The following UXS1 variants were observed in gnomAD, a reference collection of about 807,000 sequenced individuals.
UXS1 encodes UDP-glucuronic acid decarboxylase 1.
Under a neutral mutation model 62.6 loss-of-function variants are expected in UXS1, and 33 were observed. The ratio of observed to expected loss-of-function variants is 0.53; its 90% CI spans 0.40 to 0.70. The LOEUF (loss-of-function observed/expected upper bound fraction) is 0.70, where lower values mean the gene tolerates loss of function less well. Ranked by LOEUF, UXS1 falls within the 30% of genes least tolerant of loss-of-function variation. The probability of loss-of-function intolerance (pLI) is 0.00; values close to 1 mark genes in which losing one functional copy is unlikely to be tolerated. For synonymous variants in UXS1, 213 were observed against 206.8 expected, an observed-to-expected ratio of 1.03 and a Z score of -0.26; for missense variants, 434 against 556.3, an observed-to-expected ratio of 0.78 and a Z score of 2.21.
intron 2 of UXS1, among the ~76,000 whole-genome samples, chr2:106,165,369 G>A (rs1291130232): frequency 6.6e-6 from 1 of 152,078 alleles, no homozygotes; most frequent in Non-Finnish European, 1.5e-5. Flanking sequence ...ATGTGCAGCC[G>A]CATTACATTA....
At chr2:106,179,049 C>T (rs1684079864) in intron 1 of UXS1, among the ~76,000 whole-genome samples, 1 of 152,134 alleles carries the variant, frequency 6.6e-6, no homozygotes, top group Admixed American at 6.5e-5. Flanking sequence ...CTCTGTGCAG[C>T]AAAGCCCTGC....
At chr2:106,149,129 C>A (rs1681815510) in intron 5 of UXS1, among the ~76,000 whole-genome samples, 1 of 152,104 alleles carries the variant, frequency 6.6e-6, no homozygotes, top group Non-Finnish European at 1.5e-5. Flanking sequence ...CAACAATATA[C>A]CAGACTCACA....
intron 9 of UXS1, among the ~76,000 whole-genome samples, chr2:106,116,890 GC>G (rs1679100474): frequency 6.6e-6 from 1 of 152,172 alleles, no homozygotes; most frequent in South Asian, 2.1e-4. Flanking sequence ...GTCTGACCTT[GC>G]CCTGCTCACG....
At chr2:106,139,854 C>T (rs896967289) in intron 6 of UXS1, among the ~76,000 whole-genome samples, 1 of 152,146 alleles carries the variant, frequency 6.6e-6, no homozygotes, top group Non-Finnish European at 1.5e-5. Context: ...TGATAACTCA[C>T]GCGATTATTT....
chr2:106,168,142 C>T (rs1683326703), intron 1 of UXS1, among the ~76,000 whole-genome samples: 2 of 152,240 alleles, frequency 1.3e-5, no homozygotes, highest in South Asian at 4.1e-4. Flanking sequence ...GCCTGGGCAA[C>T]AAGAACAAAA....
At chr2:106,143,834 G>A (rs1681346841) in intron 6 of UXS1, among the ~76,000 whole-genome samples, 1 of 152,150 alleles carries the variant, frequency 6.6e-6, no homozygotes, top group African/African-American at 2.4e-5. Flanking sequence ...CTTGCACACT[G>A]CAAACCTCTC....
intron 10 of UXS1, among the ~76,000 whole-genome samples, chr2:106,110,015 G>A (rs1009264049): frequency 6.6e-6 from 1 of 152,208 alleles, no homozygotes; most frequent in Non-Finnish European, 1.5e-5. Context: ...AGGCCTGCGA[G>A]TCTCTCCCTA....
chr2:106,111,445 G>A (rs944687342), intron 10 of UXS1, among the ~76,000 whole-genome samples: 4 of 152,192 alleles, frequency 2.6e-5, no homozygotes, highest in African/African-American at 9.7e-5. Context: ...GTTGCCCTTG[G>A]AGAGTCATCC....
At chr2:106,190,074 G>C (rs947179007) in intron 1 of UXS1, among the ~76,000 whole-genome samples, 74 of 152,214 alleles carry the variant, frequency 4.9e-4, no homozygotes, top group African/African-American at 1.8e-3. Context: ...GGGGCATCCT[G>C]ATGCTCATGA....
At chr2:106,170,905 C>A (rs140644344) in intron 1 of UXS1, among the ~76,000 whole-genome samples, 2,530 of 152,306 alleles carry the variant, frequency 0.017, 39 homozygotes, top group Admixed American at 0.025. Flanking sequence ...GATAGCTGGG[C>A]ATTACTAACA....
intron 6 of UXS1, among the ~76,000 whole-genome samples, chr2:106,140,680 T>C (rs1337820430): frequency 6.6e-6 from 1 of 151,470 alleles, no homozygotes; most frequent in Non-Finnish European, 1.5e-5. Flanking sequence ...AGCTGCCTAC[T>C]TCGCACGGGT....
chr2:106,164,670 G>C, intron 3 of UXS1, 66 bp downstream of exon 3: 1 of 1,249,044 alleles, frequency 8.0e-7, no homozygotes, highest in Non-Finnish European at 1.1e-6. Context: ...ATGACAGCAC[G>C]AGCAAAGGAA....
chr2:106,106,087 T>G (rs4851923), intron 10 of UXS1, among the ~76,000 whole-genome samples: 111,785 of 152,008 alleles, frequency 0.74, 41,393 homozygotes, highest in South Asian at 0.79. Flanking sequence ...ACGCATGGCC[T>G]GGCGCGGTGG....
chr2:106,165,659 G>C (rs12614862), intron 2 of UXS1, among the ~76,000 whole-genome samples: 1 of 152,232 alleles, frequency 6.6e-6, no homozygotes, highest in South Asian at 2.1e-4. Flanking sequence ...ATACCCACTA[G>C]CTGGCCCCCT....
rs377295773 is a variant in UXS1 at position 106,145,263 on chromosome 2, G to A, written c.399C>T (p.Asn133=). Residue 133 remains asparagine, a synonymous_variant, in exon 6 of 15, where the codon AAC becomes AAT. Transcript: ENST00000283148. ...VDNFFTGRKR[N]VEHWIGHENF... ...TCTCATGTCCGATCCAGTGCTCCAC[G>A]TTTCTCTTCCTGCCCGTGAAGAAAT... is the stretch of plus-strand genomic sequence containing the variant. 3.1e-5 allele frequency: 50 copies of A among 1,613,832 alleles called. No individual in the cohort carries two copies. The highest frequency in any genetic ancestry group is 1.3e-4 in the Admixed American group (8 of 60,006).
intron 9 of UXS1, among the ~76,000 whole-genome samples, chr2:106,117,539 T>C (rs1372048032): frequency 6.6e-6 from 1 of 152,152 alleles, no homozygotes; most frequent in African/African-American, 2.4e-5. Flanking sequence ...CACTGTAACG[T>C]GATCACTATA....
chr2:106,093,861 G>A lies in UXS1; in HGVS notation c.*165C>T, dbSNP rs769198673. ...GGCAAAATCTGCAGTTTTTTGAGGGGAGCTTTTAGGCACATCCATTTCATT... is the reference window on the plus strand; with the variant it reads ...GGCAAAATCTGCAGTTTTTTGAGGGAAGCTTTTAGGCACATCCATTTCATT... On this transcript the variant is annotated 3_prime_UTR_variant, in exon 15 of 15. Coordinates refer to ENST00000283148, the MANE Select transcript of UXS1 (RefSeq NM_001253875.2). 53 of 957,530 alleles carry A rather than the reference G, an allele frequency of 5.5e-5. No individual in the cohort carries two copies. The highest frequency in any genetic ancestry group is 7.8e-5 in the Admixed American group (2 of 25,586). The allele number at this position is 957,530 out of a possible 1,614,324, so 59.3% of individuals were successfully genotyped here. A position where few individuals can be genotyped will look rare whatever the true frequency, so the allele number is the denominator to read the frequency against.
At chr2:106,094,207 G>A (rs376706115) in intron 14 of UXS1, 50 bp from the exon 15 acceptor site, 125 of 797,296 alleles carry the variant, frequency 1.6e-4, no homozygotes, top group Non-Finnish European at 2.0e-4. Flanking sequence ...TTGACAGAAG[G>A]GCATCGCAGG....
chr2:106,146,228 A>T (rs1004053037), intron 5 of UXS1, among the ~76,000 whole-genome samples: 1 of 152,240 alleles, frequency 6.6e-6, no homozygotes, highest in African/African-American at 2.4e-5. Context: ...CAGACGTGCC[A>T]TGCACAACTC....
Sources: gnomAD v4.1 joint callset for allele counts (sites outside exome capture counted in the v4.1 genomes callset) on GRCh38, gnomAD v4.1.1 for gene constraint, MANE v1.5 for transcripts, NCBI Gene and HGNC (gene_info 2026-07-23, HGNC 2026-07-21) for gene names.